HYDIN: variants seen among roughly 807,000 people sequenced by gnomAD.
HYDIN encodes the protein HYDIN axonemal central pair apparatus protein.
Under a neutral mutation model 403.9 loss-of-function variants are expected in HYDIN, and 132 were observed. The ratio of observed to expected loss-of-function variants is 0.33; its 90% CI spans 0.28 to 0.38. The LOEUF (loss-of-function observed/expected upper bound fraction) is 0.38. HYDIN is among the 10% of genes least tolerant of loss of function. The probability of loss-of-function intolerance (pLI) is 1.00; values close to 1 mark genes in which losing one functional copy is unlikely to be tolerated. For missense variants in HYDIN, 2,827 were observed against 5,009.5 expected (o/e 0.56, Z 13.15); for synonymous variants, 1,202 against 1,891.7 (o/e 0.64, Z 9.46).
intron 18 of HYDIN, among the ~76,000 whole-genome samples, chr16:71,043,936 G>C (rs1404271481): frequency 6.6e-6 from 1 of 150,530 alleles, no homozygotes; most frequent in Non-Finnish European, 1.5e-5. Flanking sequence ...AAAAAAGAAA[G>C]AAAGAAAGAG....
At position 71,020,275 on chromosome 16, in the gene HYDIN, T is replaced by A; in HGVS notation, c.3229A>T (p.Ile1077Leu). Residue 1077 changes from isoleucine to leucine, a missense_variant, in exon 22 of 86, where the codon ATA becomes TTA. Physicochemically the swap from Ile to Leu is conservative, Grantham distance 5. Coordinates refer to ENST00000393567, the MANE Select transcript of HYDIN (RefSeq NM_001270974.2). Reference sequence around the variant, plus strand: ...ACGGGCAGGGTGGAAATGTTCTTTATGGCCAAGGGCTGGTAATCAGGTTTC... The same window carrying A: ...ACGGGCAGGGTGGAAATGTTCTTTAAGGCCAAGGGCTGGTAATCAGGTTTC... ...ILKPDYQPLA[I>L]KNISTLPVNL... 2.5e-6 allele frequency: 4 copies of A among 1,612,822 alleles called. No homozygotes were observed. The South Asian group carries it at 4.4e-5, about 18-fold the overall frequency.
chr16:70,925,220 C>T (rs940947922), intron 45 of HYDIN, among the ~76,000 whole-genome samples: 3 of 152,164 alleles, frequency 2.0e-5, no homozygotes, highest in Non-Finnish European at 2.9e-5. Flanking sequence ...CATGGTGGCT[C>T]ATGCCTGTAA....
intron 75 of HYDIN, among the ~76,000 whole-genome samples, chr16:70,840,856 C>G (rs1398292524): frequency 4.0e-5 from 6 of 151,782 alleles, no homozygotes; most frequent in Non-Finnish European, 8.8e-5. Context: ...GGAAAGAGCA[C>G]AGGTCATCAT....
chr16:70,970,596 A>G lies in HYDIN; in HGVS notation c.5543T>C (p.Ile1848Thr). 1.5e-6 allele frequency: 2 copies of G among 1,359,968 alleles called. No individual in the cohort carries two copies. Among genetic ancestry groups the G allele is most frequent in the Non-Finnish European group, 1.1e-6 (1 of 951,746 alleles). The allele number at this position is 1,359,968 out of a possible 1,614,324, so 84.2% of individuals were successfully genotyped here. Residue 1848 changes from isoleucine to threonine, a missense_variant, in exon 36 of 86, where the codon ATA becomes ACA. Physicochemically the swap from Ile to Thr is moderately conservative, Grantham distance 89. Coordinates refer to ENST00000393567, the MANE Select transcript of HYDIN (RefSeq NM_001270974.2). ...GGGGAAGTTGCAGGGATTCTTCACT[A>G]TCACCTCGGCCTCGTCTCCAGGTGC... ...LCAPGDEAEVIVKNPCNFPIE... is the reference protein window; with the variant it reads ...LCAPGDEAEVTVKNPCNFPIE...
chr16:70,928,935 G>A (rs921776917), intron 45 of HYDIN, among the ~76,000 whole-genome samples: 6 of 132,954 alleles, frequency 4.5e-5, no homozygotes, highest in Non-Finnish European at 9.6e-5. Flanking sequence ...AAACAAGGAC[G>A]ATGGCCAGAT....
chr16:70,864,891 G>A (rs2039652777), intron 67 of HYDIN, among the ~76,000 whole-genome samples: 1 of 152,114 alleles, frequency 6.6e-6, no homozygotes, highest in Non-Finnish European at 1.5e-5. Context: ...ATAAATGAAT[G>A]GGCATAGCTG....
rs750465044 is a variant in HYDIN at position 71,020,194 on chromosome 16, G to C, written c.3310C>G (p.Leu1104Val). ...PFFICETDKS[L>V]LPATPEPIKL... is the part of the protein sequence containing the mutation. ...GGTACCTCAGGAGTTGCCGGCAGCA[G>C]GGATTTATCAGTCTCACATATAAAG... The change falls in exon 22 of 86, where the codon CTG (leucine) becomes GTG (valine). Residue 1104 changes from leucine to valine, a missense_variant. Leu to Val is a conservative substitution (Grantham distance 32). Transcript: ENST00000393567. 2 of 1,613,754 alleles carry C rather than the reference G, an allele frequency of 1.2e-6. No individual in the cohort carries two copies. The highest frequency in any genetic ancestry group is 4.5e-5 in the East Asian group (2 of 44,846).
chr16:70,855,713 G>A (rs2038980101), intron 72 of HYDIN, among the ~76,000 whole-genome samples: 2 of 152,284 alleles, frequency 1.3e-5, no homozygotes, highest in Non-Finnish European at 2.9e-5. Context: ...CCAGGGCTCT[G>A]ACTAATACAT....
chr16:71,000,793 C>CTA, intron 23 of HYDIN, among the ~76,000 whole-genome samples: 2 of 152,138 alleles, frequency 1.3e-5, no homozygotes, highest in East Asian at 3.9e-4. Flanking sequence ...GATGAACAGG[C>CTA]TATAGGAGGC....
intron 75 of HYDIN, among the ~76,000 whole-genome samples, chr16:70,843,612 C>T (rs1176332058): frequency 8.7e-5 from 12 of 137,348 alleles, no homozygotes; most frequent in Non-Finnish European, 1.2e-4. Context: ...CCTGAGGAAT[C>T]GCCACACTGA....
intron 47 of HYDIN, among the ~76,000 whole-genome samples, chr16:70,909,149 C>T (rs1408655778): frequency 1.3e-5 from 2 of 151,328 alleles, no homozygotes; most frequent in Non-Finnish European, 2.9e-5. Context: ...GGGATTGTAG[C>T]CTTCTTGGTA....
intron 1 of HYDIN, among the ~76,000 whole-genome samples, chr16:71,200,657 T>C (rs577966651): frequency 7.7e-4 from 118 of 152,324 alleles, no homozygotes; most frequent in Non-Finnish European, 1.4e-3. Context: ...AAGGGCACAT[T>C]TTCCAGACCC....
At chr16:71,075,957 C>G (rs2082615564) in intron 13 of HYDIN, 1 of 405,512 alleles carries the variant, frequency 2.5e-6, no homozygotes, top group Non-Finnish European at 5.0e-6. Context: ...GAAAGGGAAT[C>G]AGTACTTGAG....
chr16:71,038,656 C>A (rs1196983036), intron 18 of HYDIN, among the ~76,000 whole-genome samples: 3 of 152,236 alleles, frequency 2.0e-5, no homozygotes, highest in African/African-American at 4.8e-5. Flanking sequence ...AGGCATTTCT[C>A]TTTTTTTAAA....
chr16:71,129,881 A>C, intron 8 of HYDIN, 58 bp from the exon 9 acceptor site: 13 of 1,561,750 alleles, frequency 8.3e-6, no homozygotes, highest in Non-Finnish European at 1.1e-5. Flanking sequence ...AACTTTGTAA[A>C]GGGCTTCCCT....
chr16:71,204,424 G>A (rs1395973288), intron 1 of HYDIN, among the ~76,000 whole-genome samples: 1 of 152,224 alleles, frequency 6.6e-6, no homozygotes, highest in Non-Finnish European at 1.5e-5. Context: ...CATTAGGGAT[G>A]TGGCAATTTC....
At chr16:70,973,137 T>C (rs2078780319) in intron 35 of HYDIN, among the ~76,000 whole-genome samples, 1 of 152,246 alleles carries the variant, frequency 6.6e-6, no homozygotes, top group Non-Finnish European at 1.5e-5. Context: ...GGCCTTCTGA[T>C]AAAAACTGAT....
chr16:70,934,539 G>A (rs1418380349), intron 45 of HYDIN, among the ~76,000 whole-genome samples: 2 of 152,138 alleles, frequency 1.3e-5, no homozygotes, highest in African/African-American at 4.8e-5. Context: ...TCCTGAGAAT[G>A]CATCTAGTCT....
Position 70,807,969 on chromosome 16 carries a change from G to A in HYDIN, c.14977C>T (p.Pro4993Ser). Residue 4993 changes from proline (P) to serine (S), a missense_variant, in exon 86 of 86, where the codon CCC becomes TCC. Physicochemically the swap from Pro to Ser is moderately conservative, Grantham distance 74. Coordinates refer to ENST00000393567, the MANE Select transcript of HYDIN (RefSeq NM_001270974.2). ...CCCTTGGTCTCACCCAGGTGGCTGG[G>A]CTCGAATAAGACTTCCACACTGGCT... ...TEASVEVLFE[P>S]SHLGETKGIL... 1 of 1,614,156 alleles carries A rather than the reference G, an allele frequency of 6.2e-7. No individual in the cohort carries two copies. Among genetic ancestry groups the A allele is most frequent in the Non-Finnish European group, 8.5e-7 (1 of 1,180,024 alleles).
Sources: gnomAD v4.1 joint callset for allele counts (sites outside exome capture counted in the v4.1 genomes callset) on GRCh38, gnomAD v4.1.1 for gene constraint, MANE v1.5 for transcripts, NCBI Gene and HGNC (gene_info 2026-07-23, HGNC 2026-07-21) for gene names.